Variants in DMXL1 observed in about 807,000 individuals in gnomAD.
The protein encoded by DMXL1 is Dmx like 1, also known as dmX-like protein 1.
A neutral mutation model predicts 319.2 loss-of-function variants in DMXL1; 99 were observed. The ratio of observed to expected loss-of-function variants is 0.31; its 90% CI spans 0.26 to 0.37. The LOEUF is 0.37. Among genes scored for constraint, DMXL1 ranks in the 10% least tolerant of loss-of-function variants. The pLI is 1.00. For missense variants in DMXL1, 3,745 were observed against 3,595.6 expected (o/e 1.04, Z -1.06); for synonymous variants, 1,385 against 1,235.2 (o/e 1.12, Z -2.54).
At chr5:119,142,910 A>G (rs1465884103) in intron 13 of DMXL1, among the ~76,000 whole-genome samples, 2 of 152,150 alleles carry the variant, frequency 1.3e-5, no homozygotes, top group Non-Finnish European at 2.9e-5. Flanking sequence ...GCTGGCATTC[A>G]TAAAGCAACT....
chr5:119,193,440 T>G (rs763177794), intron 29 of DMXL1, among the ~76,000 whole-genome samples: 1 of 152,206 alleles, frequency 6.6e-6, no homozygotes, highest in Non-Finnish European at 1.5e-5. Context: ...CCTTCCATGG[T>G]CAGCTTATCT....
intron 28 of DMXL1, among the ~76,000 whole-genome samples, chr5:119,187,745 C>T (rs911896458): frequency 2.0e-5 from 3 of 152,164 alleles, no homozygotes; most frequent in African/African-American, 7.2e-5. Context: ...TCACTGCAAC[C>T]TCCCCCTCCC....
intron 38 of DMXL1, 150 bp downstream of exon 38, chr5:119,224,919 A>C (rs1182355591): frequency 5.3e-6 from 2 of 374,260 alleles, no homozygotes; most frequent in Admixed American, 9.4e-5. Context: ...AGTAAATAAA[A>C]TCTTGATTTC....
intron 28 of DMXL1, among the ~76,000 whole-genome samples, chr5:119,183,283 C>G (rs1400651184): frequency 1.3e-5 from 2 of 152,106 alleles, no homozygotes; most frequent in African/African-American, 4.8e-5. Context: ...TGCTAACATT[C>G]CTTTAGCAAA....
intron 37 of DMXL1, 73 bp from the exon 38 acceptor site, chr5:119,224,636 T>C (rs1785209217): frequency 3.6e-6 from 2 of 552,984 alleles, no homozygotes; most frequent in Non-Finnish European, 6.2e-6. Context: ...GAATGTTATT[T>C]GAATTTCCTG....
chr5:119,218,901 G>A (rs1784167730), intron 35 of DMXL1, among the ~76,000 whole-genome samples: 1 of 152,036 alleles, frequency 6.6e-6, no homozygotes, highest in Admixed American at 6.6e-5. Context: ...ACTATGAAGG[G>A]TCTCAGATTT....
chr5:119,233,138 G>A (rs894599727), intron 38 of DMXL1, among the ~76,000 whole-genome samples: 2 of 152,044 alleles, frequency 1.3e-5, no homozygotes, highest in Admixed American at 6.6e-5. Flanking sequence ...TCGTATTTGA[G>A]GATGTGTTCT....
chr5:119,195,397 C>T (rs1017639918), intron 30 of DMXL1, among the ~76,000 whole-genome samples: 8 of 152,114 alleles, frequency 5.3e-5, no homozygotes, highest in East Asian at 1.9e-4. Flanking sequence ...GTACGTTCAA[C>T]GGAGTATTAT....
At chr5:119,223,413 G>A (rs1446659048) in intron 37 of DMXL1, among the ~76,000 whole-genome samples, 1 of 152,058 alleles carries the variant, frequency 6.6e-6, no homozygotes, top group African/African-American at 2.4e-5. Flanking sequence ...CTTGGATTCT[G>A]CCTGCCTTGC....
At chr5:119,240,622 A>T in intron 42 of DMXL1, 151 bp downstream of exon 42, 1 of 587,182 alleles carries the variant, frequency 1.7e-6, no homozygotes, top group Non-Finnish European at 3.0e-6. Flanking sequence ...AAGCAAAAAG[A>T]TGCAATATAC....
At chr5:119,110,745 T>A (rs755695929) in intron 5 of DMXL1, among the ~76,000 whole-genome samples, 7 of 152,188 alleles carry the variant, frequency 4.6e-5, no homozygotes, top group Non-Finnish European at 1.0e-4. Flanking sequence ...AGAATGAAGA[T>A]TTGCAGTATA....
chr5:119,143,788 C>T lies in DMXL1; in HGVS notation c.2377-53C>T. On this transcript the variant is annotated intron_variant, in intron 13 of 43. Coordinates refer to ENST00000539542, the MANE Select transcript of DMXL1 (RefSeq NM_001290321.3). ...TATGCTTGAAATTTTGTTATTTACT[C>T]TTATTTGCATATGAATTGTTTAGTA... 4.1e-6 allele frequency: 5 copies of T among 1,219,316 alleles called. No homozygotes were observed. The Admixed American group carries it at 9.1e-5, about 22-fold the overall frequency. The allele number at this position is 1,219,316 out of a possible 1,614,324, so 75.5% of individuals were successfully genotyped here.
At chr5:119,181,793 C>A (rs1420746542) in intron 28 of DMXL1, among the ~76,000 whole-genome samples, 1 of 151,914 alleles carries the variant, frequency 6.6e-6, no homozygotes, top group Non-Finnish European at 1.5e-5. Context: ...GCCTGGGCGA[C>A]AGAGCGAGAC....
chr5:119,076,434 T>G (rs939841852), intron 1 of DMXL1, among the ~76,000 whole-genome samples: 20 of 152,078 alleles, frequency 1.3e-4, no homozygotes, highest in Non-Finnish European at 1.2e-4. Flanking sequence ...ATGTGAATCT[T>G]TTTTGGTGGG....
In DMXL1 at chr5:119,152,443, TCA is replaced by T. The variant is rs540642344; in HGVS notation, c.4702+410_4702+411del. ...AATACATTCTCAAATTTTAAATATT[TCA>T]CAGAGTACAGAATATTGAAAGTGTA... On this transcript the variant is annotated intron_variant, in intron 19 of 43. Transcript: ENST00000539542. Among the ~76,000 whole-genome samples, 873 of 152,340 alleles carry T rather than the reference TCA, an allele frequency of 5.7e-3. 11 individuals carry two copies. Among genetic ancestry groups the T allele is most frequent in the African/African-American group, 0.02 (826 of 41,584 alleles).
chr5:119,103,018 C>G (rs1043071648), intron 3 of DMXL1, among the ~76,000 whole-genome samples: 2 of 151,746 alleles, frequency 1.3e-5, no homozygotes, highest in East Asian at 1.9e-4. Flanking sequence ...ACAAGAAAAT[C>G]CCTTGACACG....
intron 25 of DMXL1, among the ~76,000 whole-genome samples, chr5:119,174,256 G>A (rs1197057358): frequency 6.6e-6 from 1 of 152,134 alleles, no homozygotes; most frequent in Non-Finnish European, 1.5e-5. Context: ...TCAAATGGTA[G>A]TTTCAGGGGT....
Position 119,149,419 on chromosome 5 carries a change from G to A in DMXL1, c.3592G>A (p.Val1198Ile), listed in dbSNP as rs757438264. ...STKVVPLSKFVLLRSVDLVSS... is the reference protein window; with the variant it reads ...STKVVPLSKFILLRSVDLVSS... The stretch of plus-strand genomic sequence containing the variant: ...CAAAGTTGTGCCCCTTTCTAAATTT[G>A]TACTATTACGAAGTGTGGACCTAGT... The change falls in exon 18 of 44, where the codon GTA becomes ATA. Residue 1198 changes from valine to isoleucine, a missense_variant. Physicochemically the swap from Val to Ile is conservative, Grantham distance 29. Transcript: ENST00000539542. 1 of 1,613,870 alleles carries A rather than the reference G, an allele frequency of 6.2e-7. No individual in the cohort carries two copies. The highest frequency in any genetic ancestry group is 2.2e-5 in the East Asian group (1 of 44,862).
chr5:119,085,362 A>AAATG (rs1435922593), intron 1 of DMXL1, among the ~76,000 whole-genome samples: 5 of 150,858 alleles, frequency 3.3e-5, no homozygotes, highest in Non-Finnish European at 1.5e-5. Context: ...ATAAATAAAT[A>AAATG]AATATAATAA....
Sources: gnomAD v4.1 joint callset for allele counts (sites outside exome capture counted in the v4.1 genomes callset) on GRCh38, gnomAD v4.1.1 for gene constraint, MANE v1.5 for transcripts, NCBI Gene and HGNC (gene_info 2026-07-23, HGNC 2026-07-21) for gene names.